Variants in NPRL3 observed in about 807,000 individuals in gnomAD.
NPRL3 encodes the protein GATOR1 complex protein NPRL3.
In NPRL3, 23 loss-of-function variants were observed where a neutral mutation model predicts 57.2. That is an observed-to-expected ratio of 0.40 (90% CI 0.29 to 0.57). The LOEUF (loss-of-function observed/expected upper bound fraction) is 0.57. NPRL3 is among the 20% of genes least tolerant of loss of function. The pLI, the probability that NPRL3 is intolerant of heterozygous loss-of-function variation, is 0.42. For synonymous variants in NPRL3, 333 were observed against 321.1 expected (o/e 1.04, Z -0.39); for missense variants, 691 against 767.1 (o/e 0.90, Z 1.17).
chr16:120,861 G>C (rs2141963391), intron 3 of NPRL3, among the ~76,000 whole-genome samples: 1 of 152,268 alleles, frequency 6.6e-6, no homozygotes, highest in South Asian at 2.1e-4. Flanking sequence ...TCCCATCTGT[G>C]GGACATGGTA....
intron 3 of NPRL3, among the ~76,000 whole-genome samples, chr16:124,480 C>T (rs2141970195): frequency 6.6e-6 from 1 of 152,150 alleles, no homozygotes; most frequent in Middle Eastern, 3.4e-3. Context: ...GGATTACAGG[C>T]GTGAGCCACT....
At chr16:110,956 A>G (rs189839207) in intron 6 of NPRL3, among the ~76,000 whole-genome samples, 2 of 152,324 alleles carry the variant, frequency 1.3e-5, no homozygotes, top group East Asian at 3.9e-4. Flanking sequence ...CTAAAAATAT[A>G]TACATAGACT....
chr16:127,890 C>T (rs993726560), intron 3 of NPRL3, among the ~76,000 whole-genome samples: 16 of 151,554 alleles, frequency 1.1e-4, no homozygotes, highest in Non-Finnish European at 1.8e-4. Context: ...CTCCTGACCT[C>T]ATGATCCGCC....
intron 9 of NPRL3, among the ~76,000 whole-genome samples, chr16:93,529 G>A (rs1428939691): frequency 6.6e-6 from 1 of 151,076 alleles, no homozygotes; most frequent in African/African-American, 2.4e-5. Flanking sequence ...AGGATGTGGG[G>A]CACAGCCAGC....
chr16:103,672 A>G (rs942739631), intron 7 of NPRL3, among the ~76,000 whole-genome samples: 1 of 152,156 alleles, frequency 6.6e-6, no homozygotes, highest in African/African-American at 2.4e-5. Flanking sequence ...GGCTTCACTC[A>G]GCGGCATCTA....
intron 7 of NPRL3, among the ~76,000 whole-genome samples, chr16:103,044 G>A (rs1466821862): frequency 2.0e-5 from 3 of 152,230 alleles, no homozygotes; most frequent in African/African-American, 7.2e-5. Context: ...CTTGGCATCC[G>A]TATGCGACAG....
At chr16:119,011 CA>C in intron 4 of NPRL3, 114 bp downstream of exon 4, 1 of 1,481,740 alleles carries the variant, frequency 6.7e-7, no homozygotes, top group Non-Finnish European at 9.1e-7. Flanking sequence ...CACACCTGCC[CA>C]GGGGAAGCCA....
chr16:118,455 A>G (rs369836024), intron 4 of NPRL3, among the ~76,000 whole-genome samples: 75 of 151,784 alleles, frequency 4.9e-4, no homozygotes, highest in African/African-American at 1.7e-3. Context: ...ATAAGAGGAA[A>G]TGCTTGCACC....
intron 2 of NPRL3, 91 bp from the exon 3 acceptor site, chr16:130,682 CA>C: frequency 2.5e-6 from 3 of 1,207,718 alleles, no homozygotes; most frequent in Non-Finnish European, 2.4e-6. Flanking sequence ...CCATGTTTTC[CA>C]AAACATGCTC....
chr16:87,315 T>G (rs113021592), intron 13 of NPRL3, among the ~76,000 whole-genome samples: 2,358 of 151,862 alleles, frequency 0.016, 27 homozygotes, highest in Non-Finnish European at 0.025. Context: ...CACTGCAACC[T>G]CCCGCCTCCC....
At chr16:109,720 G>C (rs1356486178) in intron 7 of NPRL3, among the ~76,000 whole-genome samples, 1 of 151,982 alleles carries the variant, frequency 6.6e-6, no homozygotes, top group Non-Finnish European at 1.5e-5. Context: ...CTCTTCCCCC[G>C]AGCTTTGCCA....
chr16:116,620 A>G (rs1475351937), intron 5 of NPRL3, among the ~76,000 whole-genome samples: 1 of 152,100 alleles, frequency 6.6e-6, no homozygotes, highest in East Asian at 1.9e-4. Context: ...CCAGGAGTTC[A>G]AGATCAGCCA....
chr16:93,481 C>T (rs1404198292), intron 9 of NPRL3, among the ~76,000 whole-genome samples, 156 bp from the exon 10 acceptor site: 1 of 152,174 alleles, frequency 6.6e-6, no homozygotes, highest in East Asian at 1.9e-4. Flanking sequence ...CCGAGACTTC[C>T]TCCCTAACGT....
At chr16:131,571 C>A (rs985956038) in intron 2 of NPRL3, among the ~76,000 whole-genome samples, 1 of 121,784 alleles carries the variant, frequency 8.2e-6, no homozygotes, top group Non-Finnish European at 1.6e-5. Flanking sequence ...GCACTTGAGC[C>A]TGGGTGACAG....
At position 100,262 on chromosome 16, in the gene NPRL3, T is replaced by C. The variant is rs537400033; in HGVS notation, c.767+110A>G. On this transcript the variant is annotated intron_variant, in intron 8 of 13. Transcript: ENST00000611875. ...GAGCCCCACCTGCAAGCTTCCGCAG[T>C]GGGAAGAAGAAAAAGAGAAATTTTG... 165 of 1,179,096 alleles carry C rather than the reference T, an allele frequency of 1.4e-4. No homozygotes were observed. In the South Asian group the frequency reaches 3.1e-3, roughly 22 times the overall value. 73.0% of individuals were successfully genotyped at this position (1,179,096 alleles called of 1,614,324 possible).
chr16:137,801 G>T (rs922432946), intron 2 of NPRL3, among the ~76,000 whole-genome samples: 7 of 151,930 alleles, frequency 4.6e-5, no homozygotes, highest in Non-Finnish European at 7.4e-5. Context: ...CTGACCTCAG[G>T]TGATCCACCC....
intron 2 of NPRL3, among the ~76,000 whole-genome samples, chr16:137,789 T>C (rs142663345): frequency 6.6e-6 from 1 of 151,984 alleles, no homozygotes; most frequent in Non-Finnish European, 1.5e-5. Flanking sequence ...GGTCTCGAAC[T>C]CCTGACCTCA....
At chr16:88,997 A>T in intron 12 of NPRL3, 107 bp from the exon 13 acceptor site, 13 of 1,014,650 alleles carry the variant, frequency 1.3e-5, no homozygotes, top group Non-Finnish European at 1.8e-5. Flanking sequence ...TAACTCCTAC[A>T]AGGGTTAGGG....
intron 3 of NPRL3, chr16:126,006 C>T (rs1012050235): frequency 6.6e-6 from 1 of 152,194 alleles, no homozygotes; most frequent in Non-Finnish European, 1.5e-5. Context: ...AAGTTGGGTA[C>T]ACTGCTACAA....
Sources: gnomAD v4.1 joint callset for allele counts (sites outside exome capture counted in the v4.1 genomes callset) on GRCh38, gnomAD v4.1.1 for gene constraint, MANE v1.5 for transcripts, NCBI Gene and HGNC (gene_info 2026-07-23, HGNC 2026-07-21) for gene names.